DAB1: variants seen among roughly 807,000 people sequenced by gnomAD.
The protein encoded by DAB1 is disabled homolog 1.
Under a neutral mutation model 64.6 loss-of-function variants are expected in DAB1, and 15 were observed. The observed-to-expected ratio is 0.23, with a 90% CI of 0.16 to 0.36. DAB1 has a LOEUF of 0.36. Among genes scored for constraint, DAB1 ranks in the 10% least tolerant of loss-of-function variants. The pLI is 1.00. For synonymous variants in DAB1, 235 were observed against 251.9 expected, an observed-to-expected ratio of 0.93 and a Z score of 0.64; for missense variants, 596 against 706.7, an observed-to-expected ratio of 0.84 and a Z score of 1.78.
chr1:58,449,289 G>A (rs1265125917), intron 3 of DAB1, among the ~76,000 whole-genome samples: 2 of 152,156 alleles, frequency 1.3e-5, no homozygotes, highest in Non-Finnish European at 2.9e-5. Flanking sequence ...ACTTGAACAC[G>A]GGGTGGGAGC....
chr1:57,165,440 A>G (rs916012715), intron 2 of DAB1, among the ~76,000 whole-genome samples: 1 of 152,200 alleles, frequency 6.6e-6, no homozygotes, highest in African/African-American at 2.4e-5. Context: ...AGGATAAAAC[A>G]ATCAATAGAA....
chr1:58,187,040 T>TA (rs1400771375), intron 4 of DAB1, among the ~76,000 whole-genome samples: 2 of 152,214 alleles, frequency 1.3e-5, no homozygotes, highest in African/African-American at 4.8e-5. Flanking sequence ...TTAGGACTAT[T>TA]ACTGCAATCT....
chr1:58,132,736 C>T (rs887367004), intron 5 of DAB1, among the ~76,000 whole-genome samples: 1 of 152,154 alleles, frequency 6.6e-6, no homozygotes. Flanking sequence ...GAGAGCCAGC[C>T]TCGCCAGGAT....
chr1:57,912,522 A>G (rs1644661705), intron 5 of DAB1, among the ~76,000 whole-genome samples: 1 of 152,210 alleles, frequency 6.6e-6, no homozygotes, highest in South Asian at 2.1e-4. Flanking sequence ...ATTCCCTTTG[A>G]AAACTGGCAC....
At chr1:57,300,881 T>C (rs766806042) in intron 1 of DAB1, among the ~76,000 whole-genome samples, 2 of 152,188 alleles carry the variant, frequency 1.3e-5, no homozygotes, top group Non-Finnish European at 2.9e-5. Context: ...AAATTATTCA[T>C]TGATTCATTG....
At position 57,225,666 on chromosome 1, in the gene DAB1, T is replaced by C. The variant is rs952317130; in HGVS notation, c.67+65298A>G. Among the ~76,000 whole-genome samples the C allele has an allele frequency of 4.6e-5, 7 of 152,298 alleles. No individual in the cohort carries two copies. In the South Asian group the frequency reaches 1.4e-3, roughly 32 times the overall value. On this transcript the variant is annotated intron_variant, in intron 2 of 14. Transcript: ENST00000371236. Reference sequence around the variant, plus strand: ...GGTATGATACAAGATTGCAATGTATTACTGTACAGACAGAGTGATAGAGAT... The same window carrying C: ...GGTATGATACAAGATTGCAATGTATCACTGTACAGACAGAGTGATAGAGAT...
chr1:58,374,172 T>C (rs980245715), intron 3 of DAB1, among the ~76,000 whole-genome samples: 3 of 119,290 alleles, frequency 2.5e-5, no homozygotes, highest in African/African-American at 9.2e-5. Flanking sequence ...GTGCAGAAGC[T>C]CTTTAGTTTA....
At chr1:57,290,858 A>G (rs183246255) in intron 2 of DAB1, 106 bp downstream of exon 2, 1 of 616,288 alleles carries the variant, frequency 1.6e-6, no homozygotes, top group East Asian at 3.0e-5. Context: ...AACTATTTAA[A>G]AATATATGCA....
At chr1:58,013,759 A>T (rs555435708) in intron 5 of DAB1, among the ~76,000 whole-genome samples, 3 of 152,324 alleles carry the variant, frequency 2.0e-5, no homozygotes, top group Non-Finnish European at 4.4e-5. Flanking sequence ...AGTTATGCAC[A>T]TCATTCCCAA....
At chr1:57,461,578 A>G (rs1350119435) in intron 7 of DAB1, among the ~76,000 whole-genome samples, 1 of 152,166 alleles carries the variant, frequency 6.6e-6, no homozygotes, top group African/African-American at 2.4e-5. Flanking sequence ...CTGTTTCTGG[A>G]AAACATCATG....
intron 3 of DAB1, among the ~76,000 whole-genome samples, chr1:58,481,546 A>T (rs1645482616): frequency 6.6e-6 from 1 of 152,198 alleles, no homozygotes; most frequent in Admixed American, 6.5e-5. Context: ...TTTTCAAGAA[A>T]AACTGCAGAA....
At position 58,177,692 on chromosome 1, in the gene DAB1, T is replaced by C. The variant is rs193213128; in HGVS notation, n.310-27104A>G. ...AGCCCCACAACAACTCTGCAAAGTA[T>C]ATATAAACATTCTCATCTCATTCCC... On this transcript the variant is annotated intron_variant and non_coding_transcript_variant, in intron 4 of 20. Coordinates refer to the DAB1 transcript ENST00000485760. Among the ~76,000 whole-genome samples, 8 of 151,946 alleles carry C rather than the reference T, an allele frequency of 5.3e-5. No homozygotes were observed. In the East Asian group the frequency reaches 1.5e-3, roughly 29 times the overall value.
chr1:57,010,857 G>T, intron 13 of DAB1, 67 bp from the exon 14 acceptor site: 1 of 1,199,986 alleles, frequency 8.3e-7, no homozygotes, highest in Non-Finnish European at 1.2e-6. Flanking sequence ...TAAGACACCT[G>T]GATATACTTT....
At chr1:57,242,552 G>GA (rs959954445) in intron 2 of DAB1, among the ~76,000 whole-genome samples, 12 of 151,892 alleles carry the variant, frequency 7.9e-5, no homozygotes, top group African/African-American at 1.5e-4. Flanking sequence ...ATACGAACAG[G>GA]AAAAAAATAA....
chr1:57,337,530 C>A (rs889606079), intron 1 of DAB1, among the ~76,000 whole-genome samples: 1 of 152,210 alleles, frequency 6.6e-6, no homozygotes, highest in Non-Finnish European at 1.5e-5. Flanking sequence ...ATTACAAACC[C>A]CACTCTCTGT....
At chr1:58,125,479 C>G (rs1387979457) in intron 5 of DAB1, among the ~76,000 whole-genome samples, 2 of 149,240 alleles carry the variant, frequency 1.3e-5, no homozygotes, top group Non-Finnish European at 3.0e-5. Context: ...CTCCCTGTGT[C>G]ACCCAGGCTG....
intron 5 of DAB1, among the ~76,000 whole-genome samples, chr1:58,147,934 G>A (rs969079118): frequency 3.0e-5 from 4 of 134,182 alleles, no homozygotes; most frequent in Admixed American, 2.4e-4. Flanking sequence ...ATCCATATCT[G>A]TATTACTCTG....
chr1:57,594,835 C>G (rs1267701198), intron 7 of DAB1, among the ~76,000 whole-genome samples: 1 of 152,090 alleles, frequency 6.6e-6, no homozygotes, highest in Non-Finnish European at 1.5e-5. Flanking sequence ...CTCAGCCTCC[C>G]GAGTAGCTGG....
At chr1:57,003,356 GT>G (rs1190141672) in intron 14 of DAB1, among the ~76,000 whole-genome samples, 1 of 152,110 alleles carries the variant, frequency 6.6e-6, no homozygotes, top group African/African-American at 2.4e-5. Flanking sequence ...ATGTCACATA[GT>G]CTTACTTGAG....
Sources: gnomAD v4.1 joint callset for allele counts (sites outside exome capture counted in the v4.1 genomes callset) on GRCh38, gnomAD v4.1.1 for gene constraint, MANE v1.5 for transcripts, NCBI Gene and HGNC (gene_info 2026-07-23, HGNC 2026-07-21) for gene names.